Variants in ABTB2 observed in about 807,000 individuals in gnomAD.
The protein encoded by ABTB2 is ankyrin repeat and BTB domain containing 2.
Under a neutral mutation model 104.1 loss-of-function variants are expected in ABTB2, and 56 were observed. The ratio of observed to expected loss-of-function variants is 0.54; its 90% CI spans 0.43 to 0.67. The LOEUF is 0.67. ABTB2 is among the 30% of genes least tolerant of loss of function. The pLI is 0.00. For synonymous variants in ABTB2, 606 were observed against 608.2 expected, an observed-to-expected ratio of 1.00 and a Z score of 0.05; for missense variants, 1,279 against 1,407.7, an observed-to-expected ratio of 0.91 and a Z score of 1.46.
chr11:34,185,791 T>C (rs918967106), intron 3 of ABTB2, among the ~76,000 whole-genome samples: 2 of 152,086 alleles, frequency 1.3e-5, no homozygotes, highest in Non-Finnish European at 2.9e-5. Flanking sequence ...AACAATGTAT[T>C]ATATGTTTCA....
intron 1 of ABTB2, among the ~76,000 whole-genome samples, chr11:34,269,447 A>G (rs1428184430): frequency 3.3e-5 from 5 of 152,340 alleles, no homozygotes; most frequent in African/African-American, 1.2e-4. Flanking sequence ...GAGGGGATTC[A>G]GCCTCTGCCC....
chr11:34,305,575 G>C (rs1347512124), intron 1 of ABTB2, among the ~76,000 whole-genome samples: 3 of 152,166 alleles, frequency 2.0e-5, no homozygotes, highest in Non-Finnish European at 4.4e-5. Context: ...GGAAATGTGT[G>C]GAGTAAGGGA....
At chr11:34,266,218 G>C (rs1422130511) in intron 1 of ABTB2, among the ~76,000 whole-genome samples, 1 of 152,106 alleles carries the variant, frequency 6.6e-6, no homozygotes, top group Non-Finnish European at 1.5e-5. Context: ...AAGTAGCTGG[G>C]ACTCCAGGCA....
At chr11:34,277,786 A>G (rs1426939700) in intron 1 of ABTB2, among the ~76,000 whole-genome samples, 2 of 150,568 alleles carry the variant, frequency 1.3e-5, no homozygotes, top group African/African-American at 4.9e-5. Context: ...AATGAAACAA[A>G]ACAACAGATT....
intron 3 of ABTB2, among the ~76,000 whole-genome samples, chr11:34,180,866 C>T (rs182968517): frequency 6.6e-6 from 1 of 152,222 alleles, no homozygotes; most frequent in East Asian, 1.9e-4. Flanking sequence ...ATTATTCCCC[C>T]CTTTAAAAAA....
intron 1 of ABTB2, among the ~76,000 whole-genome samples, chr11:34,316,309 T>G (rs1442415979): frequency 6.6e-6 from 1 of 152,204 alleles, no homozygotes; most frequent in Non-Finnish European, 1.5e-5. Context: ...CATCCTTTCT[T>G]TCAACCATCA....
chr11:34,251,215 C>T (rs956330132), intron 1 of ABTB2, among the ~76,000 whole-genome samples: 1 of 152,188 alleles, frequency 6.6e-6, no homozygotes, highest in African/African-American at 2.4e-5. Context: ...CAAAATAGAG[C>T]GGGTGAGGCT....
chr11:34,289,582 G>A (rs371954501), intron 1 of ABTB2, among the ~76,000 whole-genome samples: 12 of 152,250 alleles, frequency 7.9e-5, no homozygotes, highest in South Asian at 2.1e-4. Flanking sequence ...CTCCAGGACC[G>A]TAAGGAGGAA....
intron 1 of ABTB2, among the ~76,000 whole-genome samples, chr11:34,211,618 G>A (rs1249867089): frequency 6.6e-6 from 1 of 152,092 alleles, no homozygotes; most frequent in Non-Finnish European, 1.5e-5. Context: ...ATCAAGCCAG[G>A]CGTGGTGGCT....
At chr11:34,321,278 C>A (rs1397506542) in intron 1 of ABTB2, among the ~76,000 whole-genome samples, 1 of 152,114 alleles carries the variant, frequency 6.6e-6, no homozygotes, top group Non-Finnish European at 1.5e-5. Context: ...CCACAGAAGC[C>A]AAAGCTTCTT....
At chr11:34,175,808 C>G (rs1164474123) in intron 3 of ABTB2, among the ~76,000 whole-genome samples, 1 of 152,238 alleles carries the variant, frequency 6.6e-6, no homozygotes, top group East Asian at 1.9e-4. Flanking sequence ...TGACTCACCC[C>G]TGTTACCAGG....
chr11:34,216,018 A>G (rs554067799), intron 1 of ABTB2, among the ~76,000 whole-genome samples: 1 of 152,344 alleles, frequency 6.6e-6, no homozygotes, highest in African/African-American at 2.4e-5. Flanking sequence ...CATTTATTCA[A>G]CAACTGTGTA....
At chr11:34,307,662 T>C (rs779661782) in intron 1 of ABTB2, among the ~76,000 whole-genome samples, 7 of 152,144 alleles carry the variant, frequency 4.6e-5, no homozygotes, top group Non-Finnish European at 1.0e-4. Flanking sequence ...ATTCTTATGT[T>C]AATGGTTTGA....
chr11:34,251,358 G>C (rs978944366), intron 1 of ABTB2, among the ~76,000 whole-genome samples: 9 of 152,240 alleles, frequency 5.9e-5, no homozygotes, highest in Non-Finnish European at 7.3e-5. Flanking sequence ...GACAGCCCCA[G>C]GGGAAGAGGC....
At chr11:34,163,325 G>A (rs578147298) in intron 9 of ABTB2, among the ~76,000 whole-genome samples, 1 of 152,320 alleles carries the variant, frequency 6.6e-6, no homozygotes, top group Non-Finnish European at 1.5e-5. Flanking sequence ...ATGTTGATAA[G>A]GATGAACTGA....
chr11:34,351,963 C>T (rs565398412), intron 1 of ABTB2, among the ~76,000 whole-genome samples: 6 of 152,252 alleles, frequency 3.9e-5, no homozygotes, highest in South Asian at 2.1e-4. Flanking sequence ...CCAAAGCTTG[C>T]TCTGTTTCAG....
intron 9 of ABTB2, among the ~76,000 whole-genome samples, chr11:34,164,189 G>A (rs1852763924): frequency 6.6e-6 from 1 of 152,106 alleles, no homozygotes; most frequent in African/African-American, 2.4e-5. Flanking sequence ...TGCTGTCCCT[G>A]ACTTCAGCCT....
chr11:34,344,366 A>T (rs1412821236), intron 1 of ABTB2, among the ~76,000 whole-genome samples: 4 of 152,214 alleles, frequency 2.6e-5, no homozygotes, highest in Non-Finnish European at 4.4e-5. Flanking sequence ...TGAAAATTAA[A>T]TCTCTATTGT....
chr11:34,229,984 C>T (rs1046969289), intron 1 of ABTB2, among the ~76,000 whole-genome samples: 27 of 152,134 alleles, frequency 1.8e-4, no homozygotes, highest in African/African-American at 6.3e-4. Context: ...GATATGTTCA[C>T]GTTCCTCTCT....
Sources: gnomAD v4.1 joint callset for allele counts (sites outside exome capture counted in the v4.1 genomes callset) on GRCh38, gnomAD v4.1.1 for gene constraint, MANE v1.5 for transcripts, NCBI Gene and HGNC (gene_info 2026-07-23, HGNC 2026-07-21) for gene names.